FLAD1: variants seen among roughly 807,000 people sequenced by gnomAD.
The protein encoded by FLAD1 is flavin adenine dinucleotide synthetase 1.
Under a neutral mutation model 55.0 loss-of-function variants are expected in FLAD1, and 35 were observed. That is an observed-to-expected ratio of 0.64 (90% CI 0.49 to 0.84). The LOEUF is 0.84. Among genes scored for constraint, FLAD1 ranks in the 40% least tolerant of loss-of-function variants. The pLI is 0.00. For synonymous variants in FLAD1, 267 were observed against 303.0 expected, an observed-to-expected ratio of 0.88 and a Z score of 1.23; for missense variants, 665 against 742.6, an observed-to-expected ratio of 0.90 and a Z score of 1.21.
chr1:154,985,681 A>G (rs1245980720), intron 1 of FLAD1, among the ~76,000 whole-genome samples: 1 of 143,668 alleles, frequency 7.0e-6, no homozygotes, highest in African/African-American at 2.6e-5. Context: ...TGTTGGGATT[A>G]CAGGCGTGAG....
chr1:154,988,839 C>T lies in FLAD1; in HGVS notation c.1107C>T (p.Leu369=), dbSNP rs150738412. Residue 369 remains leucine, a synonymous_variant, in exon 2 of 7, where the codon CTC becomes CTT. Coordinates refer to ENST00000292180, the MANE Select transcript of FLAD1 (RefSeq NM_025207.5). ...AGGCCAGTGAGGCTGTATACAAACT[C>T]GCTGAATCAGGTAGGGACCTTATGG... is the stretch of plus-strand genomic sequence containing the variant. ...VEQASEAVYK[L]AESGSSLGKK... The T allele has an allele frequency of 9.9e-6, 16 of 1,614,078 alleles. 1 individual carries two copies. The highest frequency in any genetic ancestry group is 8.8e-5 in the South Asian group (8 of 91,094).
At chr1:154,989,084 C>G (rs1657750618) in intron 2 of FLAD1, 12 of 1,046,046 alleles carry the variant, frequency 1.1e-5, no homozygotes, top group Non-Finnish European at 1.3e-5. Flanking sequence ...TCTTATGGAC[C>G]AGTGTTTTAA....
chr1:154,989,442 C>T, intron 2 of FLAD1, 118 bp from the exon 3 acceptor site: 1 of 1,127,138 alleles, frequency 8.9e-7, no homozygotes, highest in Non-Finnish European at 1.2e-6. Context: ...GGAGTTTGGA[C>T]TTTATCCTCA....
intron 1 of FLAD1, among the ~76,000 whole-genome samples, chr1:154,986,771 AT>A (rs1273484329): frequency 3.5e-5 from 3 of 86,414 alleles, no homozygotes; most frequent in Non-Finnish European, 6.5e-5. Flanking sequence ...AATTTTTTGT[AT>A]TTTTTTGTAG....
intron 1 of FLAD1, among the ~76,000 whole-genome samples, chr1:154,985,784 G>A (rs547000434): frequency 7.1e-6 from 1 of 140,820 alleles, no homozygotes; most frequent in South Asian, 2.2e-4. Context: ...GGAGTGCAAT[G>A]GCTCGATCTT....
chr1:154,990,762 G>C, intron 5 of FLAD1: 1 of 417,838 alleles, frequency 2.4e-6, no homozygotes, highest in Non-Finnish European at 4.2e-6. Context: ...ACTTAGACTT[G>C]TGCTGTCCAA....
Position 154,988,795 on chromosome 1 carries a change from A to G in FLAD1, c.1063A>G (p.Met355Val), listed in dbSNP as rs1657736877. ...RLPQGSLVPY[M>V]PNAVEQASEA... The stretch of plus-strand genomic sequence containing the variant: ...GCCCCAGGGATCGCTGGTCCCCTAC[A>G]TGCCCAACGCTGTGGAGCAGGCCAG... The change falls in exon 2 of 7, where the codon ATG (methionine) becomes GTG (valine). Residue 355 changes from methionine to valine, a missense_variant. By Grantham distance (21) the Met-to-Val change is conservative. Coordinates refer to ENST00000292180, the MANE Select transcript of FLAD1 (RefSeq NM_025207.5). 5.6e-6 allele frequency: 9 copies of G among 1,614,170 alleles called. No individual in the cohort carries two copies. The highest frequency in any genetic ancestry group is 1.3e-5 in the African/African-American group (1 of 75,054).
At position 154,988,378 on chromosome 1, in the gene FLAD1, G is replaced by A. The variant is rs766539386; in HGVS notation, c.646G>A (p.Gly216Ser). 58 of 1,614,116 alleles carry A rather than the reference G, an allele frequency of 3.6e-5. No individual in the cohort carries two copies. The highest frequency in any genetic ancestry group is 4.7e-5 in the Non-Finnish European group (56 of 1,180,056). Residue 216 changes from glycine to serine, a missense_variant, in exon 2 of 7, where the codon GGC becomes AGC. Transcript: ENST00000292180. Reference protein sequence around the residue: ...EAATKALGGEGWEKLSLVPSS... With the variant: ...EAATKALGGESWEKLSLVPSS... ...AGCCACCAAAGCCCTAGGAGGGGAAGGCTGGGAGAAGCTATCATTGGTGCC... is the reference window on the plus strand; with the variant it reads ...AGCCACCAAAGCCCTAGGAGGGGAAAGCTGGGAGAAGCTATCATTGGTGCC...
In FLAD1 at chr1:154,988,776, G is replaced by A; in HGVS notation, c.1044G>A (p.Gln348=). The change falls in exon 2 of 7, where the codon CAG becomes CAA. Residue 348 remains glutamine, a synonymous_variant. Transcript: ENST00000292180. ...CLAYLTARLP[Q]GSLVPYMPNA... ...CCTACCTGACTGCCCGTTTGCCCCAGGGATCGCTGGTCCCCTACATGCCCA... is the reference window on the plus strand; with the variant it reads ...CCTACCTGACTGCCCGTTTGCCCCAAGGATCGCTGGTCCCCTACATGCCCA... 6.2e-7 allele frequency: 1 copy of A among 1,614,204 alleles called. No individual in the cohort carries two copies. The highest frequency in any genetic ancestry group is 8.5e-7 in the Non-Finnish European group (1 of 1,180,040).
At chr1:154,987,769 T>G in intron 1 of FLAD1, 1 of 474,988 alleles carries the variant, frequency 2.1e-6, no homozygotes, top group Non-Finnish European at 3.7e-6. Context: ...AGACCCCATT[T>G]CTACAAAAAA....
chr1:154,988,648 C>G lies in FLAD1; in HGVS notation c.916C>G (p.Arg306Gly). ...ILAEAQAHFG[R>G]RLGLGSYPDW... ...GGCTGAGGCCCAGGCCCACTTTGGA[C>G]GTAGGCTTGGCCTGGGTTCCTACCC... Residue 306 changes from arginine to glycine, a missense_variant, in exon 2 of 7, where the codon CGT (arginine) becomes GGT (glycine). Transcript: ENST00000292180. The G allele has an allele frequency of 6.2e-7, 1 of 1,614,210 alleles. No homozygotes were observed. The highest frequency in any genetic ancestry group is 8.5e-7 in the Non-Finnish European group (1 of 1,180,040).
intron 2 of FLAD1, 191 bp downstream of exon 2, chr1:154,989,040 G>A (rs1164286701): frequency 7.3e-7 from 1 of 1,360,638 alleles, no homozygotes; most frequent in Non-Finnish European, 9.7e-7. Context: ...CTAGGTGTTG[G>A]GGATATGGCT....
chr1:154,987,177 G>A (rs868726324), intron 1 of FLAD1, among the ~76,000 whole-genome samples: 1 of 151,984 alleles, frequency 6.6e-6, no homozygotes, highest in Non-Finnish European at 1.5e-5. Flanking sequence ...ACAGGCATGC[G>A]CCACCACGCC....
rs1045125018 is a variant in FLAD1, at chr1:154,983,396, A to G, written c.-299A>G. On this transcript the variant is annotated 5_prime_UTR_variant, in exon 1 of 7. Transcript: ENST00000292180. ...GAGCCGGTGAAGGGGCAGAACAGGC[A>G]GGTGAGAGTCTAAGAGGGCTCAGTA... 5 of 281,842 alleles carry G rather than the reference A, an allele frequency of 1.8e-5. No individual in the cohort carries two copies. Among genetic ancestry groups the G allele is most frequent in the Non-Finnish European group, 1.3e-5 (2 of 150,090 alleles). 17.5% of individuals were successfully genotyped at this position (281,842 alleles called of 1,614,324 possible).
intron 4 of FLAD1, 29 bp from the exon 5 acceptor site, chr1:154,990,310 C>T: frequency 6.2e-7 from 1 of 1,613,548 alleles, no homozygotes; most frequent in Non-Finnish European, 8.5e-7. Flanking sequence ...AGAGCCCACG[C>T]CCGACCCCTA....
chr1:154,984,319 T>G, intron 1 of FLAD1, among the ~76,000 whole-genome samples: 1 of 151,496 alleles, frequency 6.6e-6, no homozygotes, highest in Non-Finnish European at 1.5e-5. Context: ...AATAAAAAGG[T>G]CATTGCAATT....
intron 1 of FLAD1, among the ~76,000 whole-genome samples, chr1:154,984,485 G>T (rs1195927757): frequency 6.6e-6 from 1 of 151,938 alleles, no homozygotes; most frequent in Non-Finnish European, 1.5e-5. Flanking sequence ...AGGCCGAGGC[G>T]GGTGGATCAC....
Position 154,990,339 on chromosome 1 carries a change from G to T in FLAD1, c.1365G>T (p.Arg455Ser). 5 of 1,613,862 alleles carry T rather than the reference G, an allele frequency of 3.1e-6. No homozygotes were observed. The highest frequency in any genetic ancestry group is 4.2e-6 in the Non-Finnish European group (5 of 1,179,832). The change falls in exon 5 of 7, where the codon AGG (arginine) becomes AGT (serine). Residue 455 changes from arginine (R) to serine (S), a missense_variant and splice_region_variant. Physicochemically the swap from Arg to Ser is moderately radical, Grantham distance 110 (BLOSUM62 -1). Coordinates refer to ENST00000292180, the MANE Select transcript of FLAD1 (RefSeq NM_025207.5). ...ACCCCTACTTCTGTTTCTTCCTAAG[G>T]TATAATCTGCAGATGTTGGAAGCTG... ...LEQFLQDTIK[R>S]YNLQMLEAEG...
At position 154,990,346 on chromosome 1, in the gene FLAD1, C is replaced by T; in HGVS notation, c.1372C>T (p.Leu458=). The T allele has an allele frequency of 6.2e-7, 1 of 1,613,872 alleles. No homozygotes were observed. The highest frequency in any genetic ancestry group is 2.2e-5 in the East Asian group (1 of 44,894). ...FLQDTIKRYN[L]QMLEAEGSMK... ...CTTCTGTTTCTTCCTAAGGTATAAT[C>T]TGCAGATGTTGGAAGCTGAGGGCAG... Residue 458 remains leucine (L), a synonymous_variant, in exon 5 of 7, where the codon CTG becomes TTG. Transcript: ENST00000292180.
Sources: allele counts gnomAD v4.1 joint callset (sites outside exome capture counted in the v4.1 genomes callset), GRCh38; gene constraint gnomAD v4.1.1; transcripts MANE v1.5; gene names NCBI Gene and HGNC (gene_info 2026-07-23, HGNC 2026-07-21).